XRCC5: variants seen among roughly 807,000 people sequenced by gnomAD.
The protein encoded by XRCC5 is DNA repair protein Ku80.
XRCC5 carries 12 observed loss-of-function variants against 95.7 expected under a neutral mutation model. The ratio of observed to expected loss-of-function variants is 0.13; its 90% CI spans 0.08 to 0.20. XRCC5 has a LOEUF of 0.20. Ranked by LOEUF, XRCC5 falls within the 10% of genes least tolerant of loss-of-function variation. The pLI, the probability that XRCC5 is intolerant of heterozygous loss-of-function variation, is 1.00. For synonymous variants in XRCC5, 281 were observed against 290.3 expected (o/e 0.97, Z 0.33); for missense variants, 595 against 873.9 (o/e 0.68, Z 4.02).
chr2:216,175,517 A>G (rs1419075992), intron 16 of XRCC5: 1 of 453,538 alleles, frequency 2.2e-6, no homozygotes, highest in Non-Finnish European at 4.3e-6. Flanking sequence ...TATCATGATC[A>G]TCAAAAGTTA....
chr2:216,180,598 G>T (rs1689367485), intron 16 of XRCC5, among the ~76,000 whole-genome samples: 1 of 152,048 alleles, frequency 6.6e-6, no homozygotes, highest in Non-Finnish European at 1.5e-5. Flanking sequence ...GTGCACTCCA[G>T]CCTGGGCAAC....
intron 13 of XRCC5, among the ~76,000 whole-genome samples, chr2:216,146,919 T>C (rs115762177): frequency 0.011 from 1,600 of 152,336 alleles, 22 homozygotes; most frequent in African/African-American, 0.031. Context: ...CCAGGTAGTA[T>C]TTTTGGTGCT....
At chr2:216,189,465 TTTA>T (rs1212016584) in intron 16 of XRCC5, among the ~76,000 whole-genome samples, 1 of 152,248 alleles carries the variant, frequency 6.6e-6, no homozygotes, top group African/African-American at 2.4e-5. Flanking sequence ...TCCTCTGCTT[TTTA>T]TTCATACTGA....
At chr2:216,177,775 A>C (rs207939) in intron 16 of XRCC5, among the ~76,000 whole-genome samples, 71,075 of 151,986 alleles carry the variant, frequency 0.47, 17,211 homozygotes, top group African/African-American at 0.54. Context: ...TTTTGTTTGA[A>C]TCCTTTTTTG....
intron 16 of XRCC5, among the ~76,000 whole-genome samples, chr2:216,165,042 GTAT>G (rs1689028868): frequency 6.6e-6 from 1 of 152,182 alleles, no homozygotes; most frequent in Non-Finnish European, 1.5e-5. Context: ...TTAACAATTA[GTAT>G]TATTATCTCC....
At chr2:216,163,039 G>T (rs1437061214) in intron 16 of XRCC5, among the ~76,000 whole-genome samples, 1 of 152,240 alleles carries the variant, frequency 6.6e-6, no homozygotes, top group Admixed American at 6.5e-5. Flanking sequence ...TCCAAGTCTG[G>T]CCTGTCTGCG....
At chr2:216,158,257 A>G (rs529773515) in intron 14 of XRCC5, among the ~76,000 whole-genome samples, 11 of 152,356 alleles carry the variant, frequency 7.2e-5, no homozygotes, top group Non-Finnish European at 1.3e-4. Flanking sequence ...AGTTTTCATC[A>G]TAGTGCTTTC....
intron 19 of XRCC5, among the ~76,000 whole-genome samples, chr2:216,201,938 C>T (rs1303414848): frequency 1.3e-5 from 2 of 152,200 alleles, no homozygotes; most frequent in Non-Finnish European, 2.9e-5. Context: ...TTTGCTTACA[C>T]AGAAATGTGA....
intron 13 of XRCC5, among the ~76,000 whole-genome samples, chr2:216,142,815 A>G (rs1362780859): frequency 2.0e-5 from 3 of 152,088 alleles, no homozygotes; most frequent in Non-Finnish European, 4.4e-5. Context: ...TGTTTTTTTG[A>G]TGCTTGTAAT....
intron 16 of XRCC5, among the ~76,000 whole-genome samples, chr2:216,187,671 C>T (rs1172817507): frequency 6.6e-6 from 1 of 151,694 alleles, no homozygotes; most frequent in African/African-American, 2.4e-5. Context: ...TCCTTAATTG[C>T]CTATGCTCTT....
intron 1 of XRCC5, 103 bp downstream of exon 1, chr2:216,109,560 G>A (rs1017497412): frequency 6.6e-7 from 1 of 1,520,818 alleles, no homozygotes; most frequent in Non-Finnish European, 9.0e-7. Context: ...AAAGAATGGG[G>A]CAAGAGAAGA....
intron 4 of XRCC5, 54 bp downstream of exon 4, chr2:216,117,848 G>A: frequency 6.5e-7 from 1 of 1,537,662 alleles, no homozygotes; most frequent in South Asian, 1.1e-5. Context: ...AAAATTGTAT[G>A]GGTTAATGTA....
intron 19 of XRCC5, among the ~76,000 whole-genome samples, chr2:216,199,329 A>G (rs866828431): frequency 6.6e-6 from 1 of 152,218 alleles, no homozygotes. Context: ...CTTAAGAGCT[A>G]TTACCCTCCA....
intron 14 of XRCC5, among the ~76,000 whole-genome samples, chr2:216,151,012 A>G (rs1022929844): frequency 4.6e-5 from 7 of 152,234 alleles, no homozygotes; most frequent in Admixed American, 2.0e-4. Flanking sequence ...ACCATTGTAT[A>G]TGTGGCTCAT....
chr2:216,172,433 C>A (rs529058862), intron 16 of XRCC5, among the ~76,000 whole-genome samples: 1 of 147,894 alleles, frequency 6.8e-6, no homozygotes, highest in African/African-American at 2.5e-5. Context: ...ATGTCATTTG[C>A]GTTTCCATGG....
chr2:216,182,216 T>TA (rs1420697797), intron 16 of XRCC5, among the ~76,000 whole-genome samples: 2 of 152,194 alleles, frequency 1.3e-5, no homozygotes, highest in African/African-American at 4.8e-5. Context: ...TTTCAACTGA[T>TA]ACCTGCGTTT....
chr2:216,202,279 G>C (rs910074373), intron 19 of XRCC5, among the ~76,000 whole-genome samples: 3 of 152,200 alleles, frequency 2.0e-5, no homozygotes, highest in Admixed American at 2.0e-4. Flanking sequence ...GTCTTATCCT[G>C]TAGCCATATA....
intron 14 of XRCC5, among the ~76,000 whole-genome samples, chr2:216,150,456 T>G (rs553550110): frequency 1.3e-5 from 2 of 152,322 alleles, no homozygotes; most frequent in African/African-American, 4.8e-5. Context: ...AATTTCGTTG[T>G]GCGAATGTCA....
At chr2:216,140,671 AT>A (rs944820094) in intron 12 of XRCC5, among the ~76,000 whole-genome samples, 1 of 152,170 alleles carries the variant, frequency 6.6e-6, no homozygotes, top group African/African-American at 2.4e-5. Context: ...GCCTCAGTAG[AT>A]TGTGAAGGAA....
Sources: allele counts gnomAD v4.1 joint callset (sites outside exome capture counted in the v4.1 genomes callset), GRCh38; gene constraint gnomAD v4.1.1; transcripts MANE v1.5; gene names NCBI Gene and HGNC (gene_info 2026-07-23, HGNC 2026-07-21).